KCNU1: variants seen among roughly 807,000 people sequenced by gnomAD.
The protein encoded by KCNU1 is potassium channel subfamily U member 1.
A neutral mutation model predicts 126.8 loss-of-function variants in KCNU1; 93 were observed. The observed-to-expected ratio is 0.73, with a 90% CI of 0.62 to 0.87. The LOEUF (loss-of-function observed/expected upper bound fraction) is 0.87, where lower values mean the gene tolerates loss of function less well. Ranked by LOEUF, KCNU1 falls within the 40% of genes least tolerant of loss-of-function variation. The pLI, the probability that KCNU1 is intolerant of heterozygous loss-of-function variation, is 0.00. For synonymous variants in KCNU1, 523 were observed against 494.2 expected (o/e 1.06, Z -0.77); for missense variants, 1,330 against 1,367.1 (o/e 0.97, Z 0.43).
At chr8:36,853,762 G>A (rs1452343698) in intron 18 of KCNU1, among the ~76,000 whole-genome samples, 2 of 152,182 alleles carry the variant, frequency 1.3e-5, no homozygotes, top group South Asian at 2.1e-4. Context: ...TGTCTGTTAA[G>A]TATAGTTGGT....
intron 14 of KCNU1, among the ~76,000 whole-genome samples, chr8:36,839,467 C>T (rs1804871226): frequency 6.6e-6 from 1 of 152,134 alleles, no homozygotes; most frequent in Admixed American, 6.6e-5. Flanking sequence ...TCAGAGCCCG[C>T]CTCATGAGAG....
chr8:36,801,582 A>G (rs1803308265), intron 2 of KCNU1, among the ~76,000 whole-genome samples: 1 of 152,026 alleles, frequency 6.6e-6, no homozygotes, highest in Non-Finnish European at 1.5e-5. Flanking sequence ...TTCATAAGAG[A>G]AAAAATGTAC....
intron 18 of KCNU1, among the ~76,000 whole-genome samples, chr8:36,860,307 G>C (rs1805683605): frequency 6.6e-6 from 1 of 152,070 alleles, no homozygotes; most frequent in Non-Finnish European, 1.5e-5. Flanking sequence ...TCAATCTCCT[G>C]ACCTCTTGAT....
chr8:36,844,372 C>T (rs577554072), intron 16 of KCNU1, among the ~76,000 whole-genome samples: 47 of 148,030 alleles, frequency 3.2e-4, no homozygotes, highest in African/African-American at 1.1e-3. Context: ...AAGAGTGAAA[C>T]TCCGTCTCAA....
chr8:36,842,666 A>G (rs1032511798), intron 16 of KCNU1, among the ~76,000 whole-genome samples: 8 of 151,962 alleles, frequency 5.3e-5, no homozygotes, highest in African/African-American at 1.9e-4. Flanking sequence ...TTATTTGCAT[A>G]AGTTTTTTTG....
At chr8:36,889,069 G>T in intron 19 of KCNU1, 5 of 522,966 alleles carry the variant, frequency 9.6e-6, no homozygotes, top group Non-Finnish European at 1.9e-5. Context: ...AGTAGAGACA[G>T]GGTTTCACCA....
chr8:36,791,315 G>T (rs893638056), intron 2 of KCNU1, among the ~76,000 whole-genome samples: 8 of 152,100 alleles, frequency 5.3e-5, no homozygotes, highest in Admixed American at 3.3e-4. Flanking sequence ...TTGTGTGGTT[G>T]TTAATTACAT....
At position 36,832,352 on chromosome 8, in the gene KCNU1, A is replaced by G. The variant is rs532338236; in HGVS notation, c.1107-1202A>G. Among the ~76,000 whole-genome samples, 9 of 152,232 alleles carry G rather than the reference A, an allele frequency of 5.9e-5. No individual in the cohort carries two copies. The South Asian group carries it at 8.3e-4, about 14-fold the overall frequency. ...TTGAATCTGTAAATTACCTTGGTCAATATGGCCATTTTCACGATATTGATT... is the reference window on the plus strand; with the variant it reads ...TTGAATCTGTAAATTACCTTGGTCAGTATGGCCATTTTCACGATATTGATT... On this transcript the variant is annotated intron_variant, in intron 10 of 26. Coordinates refer to ENST00000399881, the MANE Select transcript of KCNU1 (RefSeq NM_001031836.3).
chr8:36,904,115 A>C (rs1354222647), intron 19 of KCNU1, among the ~76,000 whole-genome samples: 2 of 152,160 alleles, frequency 1.3e-5, no homozygotes, highest in Non-Finnish European at 2.9e-5. Flanking sequence ...CCAGTTACTA[A>C]TGTACCATGG....
intron 13 of KCNU1, 100 bp downstream of exon 13, chr8:36,836,465 T>C: frequency 1.3e-6 from 1 of 790,808 alleles, no homozygotes; most frequent in South Asian, 1.8e-5. Context: ...AAGTTTTTGC[T>C]AATCATAGGT....
At chr8:36,798,224 C>G (rs1205303053) in intron 2 of KCNU1, among the ~76,000 whole-genome samples, 1 of 152,142 alleles carries the variant, frequency 6.6e-6, no homozygotes, top group Admixed American at 6.5e-5. Flanking sequence ...ATTATTTTAT[C>G]TTGCCCAAAT....
intron 12 of KCNU1, among the ~76,000 whole-genome samples, chr8:36,835,559 T>C (rs1227218058): frequency 6.6e-6 from 1 of 152,138 alleles, no homozygotes; most frequent in African/African-American, 2.4e-5. Context: ...CAGGCTGGTC[T>C]TGAACTCCTG....
chr8:36,832,093 G>A (rs1232113033), intron 10 of KCNU1, among the ~76,000 whole-genome samples: 1 of 152,176 alleles, frequency 6.6e-6, no homozygotes, highest in East Asian at 1.9e-4. Context: ...TTATTTCTGA[G>A]GGCTCTGTTC....
chr8:36,926,646 C>A (rs933428660), intron 24 of KCNU1, among the ~76,000 whole-genome samples: 2 of 152,072 alleles, frequency 1.3e-5, no homozygotes, highest in Admixed American at 6.6e-5. Flanking sequence ...AAGTCTGGTG[C>A]GGGAGGCAGG....
chr8:36,821,753 G>A (rs1235869385), intron 10 of KCNU1, among the ~76,000 whole-genome samples: 1 of 152,100 alleles, frequency 6.6e-6, no homozygotes, highest in African/African-American at 2.4e-5. Flanking sequence ...TGGTGCAAAA[G>A]TCATATGCCT....
chr8:36,807,943 A>G (rs1563267277), intron 6 of KCNU1, among the ~76,000 whole-genome samples: 1 of 152,230 alleles, frequency 6.6e-6, no homozygotes, highest in Non-Finnish European at 1.5e-5. Flanking sequence ...TCCAGACAAT[A>G]AGAACACAAT....
chr8:36,868,848 T>G (rs1806002467), intron 19 of KCNU1, among the ~76,000 whole-genome samples: 1 of 152,176 alleles, frequency 6.6e-6, no homozygotes, highest in African/African-American at 2.4e-5. Flanking sequence ...AAGTATTTCC[T>G]GTTTCTTTTC....
At chr8:36,829,574 T>C (rs1804454187) in intron 10 of KCNU1, among the ~76,000 whole-genome samples, 1 of 149,718 alleles carries the variant, frequency 6.7e-6, no homozygotes, top group Admixed American at 6.6e-5. Flanking sequence ...TACCTTTTAT[T>C]TTTTTTTATA....
intron 24 of KCNU1, 120 bp from the exon 25 acceptor site, chr8:36,930,831 G>T (rs1442549807): frequency 3.1e-6 from 2 of 635,832 alleles, no homozygotes; most frequent in Admixed American, 6.9e-5. Flanking sequence ...GAGAAACACT[G>T]TTCTACACCA....
Sources: gnomAD v4.1 joint callset for allele counts (sites outside exome capture counted in the v4.1 genomes callset) on GRCh38, gnomAD v4.1.1 for gene constraint, MANE v1.5 for transcripts, NCBI Gene and HGNC (gene_info 2026-07-23, HGNC 2026-07-21) for gene names.